Variants in C4orf50 observed in about 807,000 individuals in gnomAD.
The protein encoded by C4orf50 is chromosome 4 open reading frame 50.
Under a neutral mutation model 77.2 loss-of-function variants are expected in C4orf50, and 80 were observed. The ratio of observed to expected loss-of-function variants is 1.04; its 90% confidence interval spans 0.87 to 1.25. The LOEUF is 1.25. Among genes scored for constraint, C4orf50 ranks in the 50% most tolerant of loss-of-function variants. C4orf50 has a pLI of 0.00. For missense variants in C4orf50, 1,257 were observed against 1,152.9 expected (o/e 1.09, Z -1.31); for synonymous variants, 532 against 465.3 (o/e 1.14, Z -1.84).
At chr4:5,990,621 A>C (rs1222775384) in exon 28 of C4orf50, 1 of 398,956 alleles carries the variant, frequency 2.5e-6, no homozygotes, top group African/African-American at 2.1e-5. Context: ...GTCGCCAAGA[A>C]GCGGAGTCCC....
chr4:5,903,796 T>G (rs1716433966), intron 7 of C4orf50: 1 of 152,164 alleles, frequency 6.6e-6, no homozygotes, highest in African/African-American at 2.4e-5. Context: ...GAAGATACGT[T>G]TTAGAGTTTT....
intron 23 of C4orf50, among the ~76,000 whole-genome samples, chr4:6,014,207 G>A (rs888578666): frequency 1.3e-5 from 2 of 152,178 alleles, no homozygotes; most frequent in East Asian, 3.9e-4. Context: ...TCTCCATGTT[G>A]GTCAGGCTGG....
At chr4:6,012,890 C>T (rs990323341) in intron 23 of C4orf50, among the ~76,000 whole-genome samples, 9 of 152,292 alleles carry the variant, frequency 5.9e-5, no homozygotes, top group African/African-American at 1.9e-4. Context: ...CCATGATACA[C>T]GTGAAGGTGC....
chr4:5,947,093 G>A lies in C4orf50; in HGVS notation c.*2474+9808C>T, dbSNP rs148810299. Among the ~76,000 whole-genome samples the A allele has an allele frequency of 2.8e-3, 424 of 152,202 alleles. 1 individual carries two copies. The highest frequency in any genetic ancestry group is 9.8e-3 in the African/African-American group (409 of 41,532). ...CTCACTCATGGAACCTATTTAAGAT[G>A]AAAGGTGGAATATTCTGAACAGTAA... On this transcript the variant is annotated intron_variant, in intron 7 of 7. Coordinates refer to the C4orf50 transcript ENST00000324058.
chr4:5,904,525 G>A (rs1243408652), intron 7 of C4orf50: 1 of 152,246 alleles, frequency 6.6e-6, no homozygotes, highest in Non-Finnish European at 1.5e-5. Context: ...CTGGAAGACT[G>A]TGCCACACCC....
chr4:5,907,774 T>C (rs983596330), intron 7 of C4orf50, among the ~76,000 whole-genome samples: 1 of 152,100 alleles, frequency 6.6e-6, no homozygotes, highest in Non-Finnish European at 1.5e-5. Context: ...TGGAAAGCAA[T>C]AGGGCCAGGG....
Position 6,011,706 on chromosome 4 carries a change from A to C in C4orf50, c.426+124T>G. ...TGCACCATGAACGTAGGATCTCTCT[A>C]ACCCTCCTGACTGGGCTCTCCCAGG... On this transcript the variant is annotated intron_variant, in intron 24 of 33. Transcript: ENST00000531445. The surrounding 1 kb of genome is among the most constrained non-coding windows in gnomAD (Gnocchi z 4.2). 1 of 397,730 alleles carries C rather than the reference A, an allele frequency of 2.5e-6. No individual in the cohort carries two copies. 24.6% of individuals were successfully genotyped at this position (397,730 alleles called of 1,614,324 possible).
chr4:5,930,410 T>C (rs528712288), intron 7 of C4orf50, among the ~76,000 whole-genome samples: 62 of 152,364 alleles, frequency 4.1e-4, no homozygotes, highest in South Asian at 1.0e-3. Flanking sequence ...AGGCTGACTC[T>C]ACCTTCTGGT....
At chr4:5,967,427 C>T (rs191882168) in exon 32 of C4orf50, 26 of 1,613,896 alleles carry the variant, frequency 1.6e-5, no homozygotes, top group East Asian at 6.7e-5. Flanking sequence ...TTAAAGCTGC[C>T]GTCATCTCAG....
chr4:5,993,006 T>A, intron 26 of C4orf50, 76 bp from the exon 5 acceptor site: 1 of 394,714 alleles, frequency 2.5e-6, no homozygotes. Flanking sequence ...AGGGACCACG[T>A]CCCCCAGGCT....
chr4:6,004,206 A>G (rs377517532), intron 25 of C4orf50, among the ~76,000 whole-genome samples: 974 of 88,068 alleles, frequency 0.011, 3 homozygotes, highest in Non-Finnish European at 0.015. Flanking sequence ...GGTGATGGTG[A>G]TGATGGTGAT....
chr4:5,986,357 C>T (rs1720856792), intron 28 of C4orf50, among the ~76,000 whole-genome samples: 1 of 152,068 alleles, frequency 6.6e-6, no homozygotes, highest in Non-Finnish European at 1.5e-5. Context: ...AACTGAAAAA[C>T]TCCAGAGATG....
At position 6,015,166 on chromosome 4, in the gene C4orf50, T is replaced by A. The variant is rs981136530; in HGVS notation, c.287+2979A>T. On this transcript the variant is annotated intron_variant, in intron 23 of 33. Coordinates refer to ENST00000531445, the Ensembl canonical transcript of C4orf50. The surrounding 1 kb of genome is among the most constrained non-coding windows in gnomAD (Gnocchi z 4.4). The stretch of plus-strand genomic sequence containing the variant: ...GTTATGGGCTCAACACATCCCTGCA[T>A]CCTGTGTTGAAGGCCTAACCCCCAA... Among the ~76,000 whole-genome samples the A allele has an allele frequency of 2.6e-5, 4 of 152,200 alleles. No homozygotes were observed. Among genetic ancestry groups the A allele is most frequent in the African/African-American group, 9.6e-5 (4 of 41,462 alleles).
At chr4:5,899,767 C>G (rs944458005) in intron 7 of C4orf50, 1 of 152,200 alleles carries the variant, frequency 6.6e-6, no homozygotes, top group Non-Finnish European at 1.5e-5. Context: ...GGGAGCTTTT[C>G]AAATAGATCT....
At chr4:6,014,009 T>G (rs1288308030) in intron 23 of C4orf50, among the ~76,000 whole-genome samples, 1 of 151,966 alleles carries the variant, frequency 6.6e-6, no homozygotes, top group African/African-American at 2.4e-5. Flanking sequence ...TTGTGTGTTT[T>G]TTTTTTTTTT....
chr4:5,911,490 AGAGAGG>A (rs1293542335), intron 7 of C4orf50, among the ~76,000 whole-genome samples: 5 of 152,200 alleles, frequency 3.3e-5, no homozygotes, highest in Non-Finnish European at 7.4e-5. Context: ...ATCCCTTTAC[AGAGAGG>A]GGCCTCTCTT....
intron 31 of C4orf50, among the ~76,000 whole-genome samples, chr4:5,971,662 T>A (rs1719925717): frequency 6.6e-6 from 1 of 152,188 alleles, no homozygotes; most frequent in Non-Finnish European, 1.5e-5. Flanking sequence ...ACTGAAAAAA[T>A]TTGATTTTCC....
intron 25 of C4orf50, among the ~76,000 whole-genome samples, chr4:5,998,227 G>A (rs550043807): frequency 2.6e-5 from 4 of 152,296 alleles, no homozygotes; most frequent in African/African-American, 9.6e-5. Context: ...GGGATCCTGA[G>A]ATTTTTCTCA....
rs183983239 is a variant in C4orf50 at position 5,981,301 on chromosome 4, T to C, written c.3700-963A>G. Among the ~76,000 whole-genome samples the C allele has an allele frequency of 6.5e-3, 984 of 152,218 alleles. 3 individuals are homozygous for C. Among genetic ancestry groups the C allele is most frequent in the Non-Finnish European group, 9.9e-3 (674 of 68,012 alleles). The stretch of plus-strand genomic sequence containing the variant: ...TATTCTAACATCTTGCTGTTATAAT[T>C]GGAACTGTGACAAAGGCCCTTGTAC... On this transcript the variant is annotated intron_variant, in intron 28 of 33. Transcript: ENST00000531445.
Sources: gnomAD v4.1 joint callset for allele counts (sites outside exome capture counted in the v4.1 genomes callset) on GRCh38, gnomAD v4.1.1 for gene constraint, Gnocchi (gnomAD v3.1) non-coding constraint, MANE v1.5 for transcripts, NCBI Gene and HGNC (gene_info 2026-07-23, HGNC 2026-07-21) for gene names.